LRRC7: variants seen among roughly 807,000 people sequenced by gnomAD.
LRRC7 encodes the protein leucine rich repeat containing 7.
In LRRC7, 23 loss-of-function variants were observed where a neutral mutation model predicts 175.7. The observed-to-expected ratio is 0.13, with a 90% CI of 0.09 to 0.19. LRRC7 has a LOEUF of 0.19. LRRC7 is among the 10% of genes least tolerant of loss of function. The pLI is 1.00. For synonymous variants in LRRC7, 685 were observed against 680.9 expected (o/e 1.01, Z -0.09); for missense variants, 1,354 against 1,904.7 (o/e 0.71, Z 5.38).
intron 2 of LRRC7, among the ~76,000 whole-genome samples, chr1:69,748,658 AG>A (rs1278806829): frequency 6.6e-6 from 1 of 152,178 alleles, no homozygotes; most frequent in African/African-American, 2.4e-5. Context: ...CTCATCATTA[AG>A]AACATAAATC....
At chr1:69,909,793 A>G (rs1023776016) in intron 7 of LRRC7, among the ~76,000 whole-genome samples, 39 of 151,606 alleles carry the variant, frequency 2.6e-4, no homozygotes, top group African/African-American at 8.3e-4. Flanking sequence ...TGTTCTCTGT[A>G]TTTCCTGAAT....
chr1:69,753,128 C>A (rs1670019863), intron 2 of LRRC7, among the ~76,000 whole-genome samples: 1 of 152,050 alleles, frequency 6.6e-6, no homozygotes, highest in South Asian at 2.1e-4. Flanking sequence ...GTGTATTATG[C>A]TCAACTCAGT....
intron 7 of LRRC7, among the ~76,000 whole-genome samples, chr1:69,867,050 T>C (rs1557829699): frequency 6.6e-6 from 1 of 152,156 alleles, no homozygotes; most frequent in Non-Finnish European, 1.5e-5. Context: ...TATAAAATTA[T>C]CATACACCTC....
chr1:69,573,168 GA>G, intron 1 of LRRC7, among the ~76,000 whole-genome samples: 1 of 152,102 alleles, frequency 6.6e-6, no homozygotes, highest in East Asian at 1.9e-4. Context: ...TTGAAGATTA[GA>G]AAACTGAAAC....
chr1:69,888,750 G>A (rs149957135), intron 7 of LRRC7, among the ~76,000 whole-genome samples: 4 of 152,110 alleles, frequency 2.6e-5, no homozygotes, highest in African/African-American at 9.7e-5. Flanking sequence ...GCCGAGAGTA[G>A]AACAGTGGTT....
intron 8 of LRRC7, among the ~76,000 whole-genome samples, chr1:69,963,559 T>A (rs1197295078): frequency 6.6e-6 from 1 of 152,156 alleles, no homozygotes; most frequent in Admixed American, 6.5e-5. Flanking sequence ...GGAGTAATTA[T>A]ACTGAAATGG....
intron 2 of LRRC7, among the ~76,000 whole-genome samples, chr1:69,691,028 A>C (rs1014414207): frequency 1.3e-5 from 2 of 152,124 alleles, no homozygotes; most frequent in African/African-American, 4.8e-5. Context: ...AAGGGAAAAC[A>C]ATGTTTCATA....
chr1:69,750,093 T>TAAATAAATAAATAAATAATAAATAATA (rs139997047), intron 2 of LRRC7, among the ~76,000 whole-genome samples: 5 of 142,202 alleles, frequency 3.5e-5, no homozygotes, highest in Non-Finnish European at 6.0e-5. Flanking sequence ...AATAAATAAA[T>TAAATAAATAAATAAATAATAAATAATA]AATAATAACT....
At chr1:69,990,724 A>G (rs1654357434) in intron 10 of LRRC7, among the ~76,000 whole-genome samples, 1 of 152,198 alleles carries the variant, frequency 6.6e-6, no homozygotes, top group Admixed American at 6.6e-5. Context: ...GAAAATATTC[A>G]TACGGTGGAA....
chr1:70,002,007 T>C (rs1423146737), intron 11 of LRRC7, among the ~76,000 whole-genome samples: 1 of 152,080 alleles, frequency 6.6e-6, no homozygotes, highest in African/African-American at 2.4e-5. Context: ...GATGCGTCTT[T>C]ATATATATAT....
chr1:69,877,990 C>T (rs888516655), intron 7 of LRRC7, among the ~76,000 whole-genome samples: 1 of 151,730 alleles, frequency 6.6e-6, no homozygotes, highest in Admixed American at 6.6e-5. Context: ...ATTGAGGGAC[C>T]AAGATAGGAC....
chr1:69,576,542 G>A (rs1298626510), intron 1 of LRRC7, among the ~76,000 whole-genome samples: 1 of 152,058 alleles, frequency 6.6e-6, no homozygotes, highest in African/African-American at 2.4e-5. Context: ...ATGAAATGTA[G>A]AAATATTTAC....
chr1:69,568,609 G>T lies in LRRC7; in HGVS notation c.-31G>T, dbSNP rs1252108542. On this transcript the variant is annotated 5_prime_UTR_variant, in exon 1 of 27. Transcript: ENST00000651989. Reference sequence around the variant, plus strand: ...TGGCAGCTGCACGACTACGCTCTCCGAAACCTCATGGGCAGTTTCTCCCGC... The same window carrying T: ...TGGCAGCTGCACGACTACGCTCTCCTAAACCTCATGGGCAGTTTCTCCCGC... 23 of 1,350,596 alleles carry T rather than the reference G, an allele frequency of 1.7e-5. No individual in the cohort carries two copies. Among genetic ancestry groups the T allele is most frequent in the Non-Finnish European group, 2.3e-5 (23 of 1,015,470 alleles). 83.7% of individuals were successfully genotyped at this position (1,350,596 alleles called of 1,614,324 possible).
chr1:69,914,559 A>G (rs960375856), intron 7 of LRRC7, among the ~76,000 whole-genome samples: 1 of 152,214 alleles, frequency 6.6e-6, no homozygotes, highest in Admixed American at 6.5e-5. Flanking sequence ...ATACATACAT[A>G]TAAATAGTTA....
intron 17 of LRRC7, among the ~76,000 whole-genome samples, chr1:70,025,254 AT>A (rs148616838): frequency 6.7e-6 from 1 of 150,160 alleles, no homozygotes; most frequent in African/African-American, 2.4e-5. Flanking sequence ...TTAATCATTT[AT>A]TTTTAGTGTA....
intron 1 of LRRC7, among the ~76,000 whole-genome samples, chr1:69,664,202 T>C (rs916735646): frequency 1.3e-5 from 2 of 152,240 alleles, no homozygotes; most frequent in Non-Finnish European, 2.9e-5. Flanking sequence ...GGCATTTATC[T>C]GTTGATGAAC....
chr1:69,953,929 G>A (rs1269453017), intron 8 of LRRC7, among the ~76,000 whole-genome samples: 5 of 152,024 alleles, frequency 3.3e-5, no homozygotes, highest in African/African-American at 9.7e-5. Flanking sequence ...TTTGAAAATA[G>A]TCACCAGTTA....
At chr1:69,755,681 T>C (rs1302064669) in intron 2 of LRRC7, among the ~76,000 whole-genome samples, 3 of 151,840 alleles carry the variant, frequency 2.0e-5, no homozygotes, top group African/African-American at 7.2e-5. Flanking sequence ...CTTGGAAATA[T>C]TGGGTACCAG....
intron 22 of LRRC7, among the ~76,000 whole-genome samples, chr1:70,052,064 C>G (rs886343464): frequency 6.6e-6 from 1 of 151,958 alleles, no homozygotes; most frequent in African/African-American, 2.4e-5. Flanking sequence ...AGAACATGTG[C>G]AGAAAATGGC....
Sources: gnomAD v4.1 joint callset for allele counts (sites outside exome capture counted in the v4.1 genomes callset) on GRCh38, gnomAD v4.1.1 for gene constraint, MANE v1.5 for transcripts, NCBI Gene and HGNC (gene_info 2026-07-23, HGNC 2026-07-21) for gene names.